SPG11: variants seen among roughly 807,000 people sequenced by gnomAD.
SPG11 encodes the protein spatacsin.
A neutral mutation model predicts 274.0 loss-of-function variants in SPG11; 222 were observed. The observed-to-expected ratio is 0.81, with a 90% CI of 0.73 to 0.91. The LOEUF is 0.91. Among genes scored for constraint, SPG11 ranks in the 40% least tolerant of loss-of-function variants. The pLI, the probability that SPG11 is intolerant of heterozygous loss-of-function variation, is 0.00. For missense variants in SPG11, 3,114 were observed against 2,872.7 expected (o/e 1.08, Z -1.92); for synonymous variants, 1,144 against 1,039.7 (o/e 1.10, Z -1.93).
intron 20 of SPG11, among the ~76,000 whole-genome samples, chr15:44,602,120 G>A (rs942260415): frequency 6.6e-6 from 1 of 152,158 alleles, no homozygotes; most frequent in African/African-American, 2.4e-5. Context: ...TTTACTGGTA[G>A]AGTCTTTAGG....
chr15:44,597,010 G>C lies in SPG11; in HGVS notation c.4002-67C>G, dbSNP rs908189425. Reference sequence around the variant, plus strand: ...AAAAACTCATTAAAATATAGCTTTAGCTTGAACTGGAAAATGAGTAAAAAT... The same window carrying C: ...AAAAACTCATTAAAATATAGCTTTACCTTGAACTGGAAAATGAGTAAAAAT... On this transcript the variant is annotated intron_variant, in intron 23 of 39. Coordinates refer to ENST00000261866, the MANE Select transcript of SPG11 (RefSeq NM_025137.4). The C allele has an allele frequency of 9.5e-6, 14 of 1,479,518 alleles. No individual in the cohort carries two copies. The African/African-American group carries it at 1.4e-4, about 15-fold the overall frequency. The allele number at this position is 1,479,518 out of a possible 1,614,324, so 91.6% of individuals were successfully genotyped here.
intron 4 of SPG11, among the ~76,000 whole-genome samples, chr15:44,656,617 G>A (rs151275179): frequency 6.6e-6 from 1 of 152,284 alleles, no homozygotes; most frequent in East Asian, 1.9e-4. Context: ...TAGTGACTTG[G>A]GGGAGGGACG....
rs552471760 is a variant in SPG11, at chr15:44,608,535, G to C, written c.3362C>G (p.Thr1121Ser). ...VDPQLLKMALTPYPKLKTALF... is the reference protein window; with the variant it reads ...VDPQLLKMALSPYPKLKTALF... ...AGCAGTTTTTAGCTTGGGGTAAGGA[G>C]TTAATGCCATCTTCAATAGCTGGGG... The change falls in exon 19 of 40, where the codon ACT (threonine) becomes AGT (serine). Residue 1121 changes from threonine (T) to serine (S), a missense_variant. Coordinates refer to ENST00000261866, the MANE Select transcript of SPG11 (RefSeq NM_025137.4). 58 of 1,614,102 alleles carry C rather than the reference G, an allele frequency of 3.6e-5. No individual in the cohort carries two copies. In the South Asian group the frequency reaches 6.3e-4, roughly 17 times the overall value.
At chr15:44,626,708 C>G (rs951863820) in intron 10 of SPG11, among the ~76,000 whole-genome samples, 3 of 151,904 alleles carry the variant, frequency 2.0e-5, no homozygotes, top group Admixed American at 6.6e-5. Flanking sequence ...GAAGACACAC[C>G]GATTATAGTA....
intron 17 of SPG11, among the ~76,000 whole-genome samples, chr15:44,612,469 C>T (rs1034734900): frequency 1.3e-5 from 2 of 152,014 alleles, no homozygotes; most frequent in Admixed American, 1.3e-4. Flanking sequence ...GGCTGGAGTG[C>T]AGTGACACAA....
intron 27 of SPG11, 121 bp from the exon 28 acceptor site, chr15:44,589,535 G>A (rs1427183653): frequency 8.4e-7 from 1 of 1,184,418 alleles, no homozygotes; most frequent in Non-Finnish European, 1.2e-6. Flanking sequence ...CCTGTCATGA[G>A]GCACTTACTC....
At chr15:44,595,900 A>G (rs1238446390) in intron 25 of SPG11, among the ~76,000 whole-genome samples, 183 bp downstream of exon 25, 4 of 152,258 alleles carry the variant, frequency 2.6e-5, no homozygotes, top group Non-Finnish European at 4.4e-5. Context: ...AAGGCACAAG[A>G]AAGTACACCA....
chr15:44,633,456 A>C (rs1358624707), intron 8 of SPG11, 49 bp downstream of exon 8: 1 of 1,475,006 alleles, frequency 6.8e-7, no homozygotes, highest in African/African-American at 1.4e-5. Flanking sequence ...GAAAGTTATT[A>C]AGAAGATCAA....
chr15:44,566,017 A>C lies in SPG11; in HGVS notation c.6844-8T>G, dbSNP rs901896301. On this transcript the variant is annotated splice_polypyrimidine_tract_variant and splice_region_variant and intron_variant, in intron 37 of 39. Transcript: ENST00000261866. ...CTGTCGCACACAGGAGTCCTGAGGA[A>C]CAAGGGTGGAGAGGCACAGTAGAGA... is the stretch of plus-strand genomic sequence containing the variant. The C allele has an allele frequency of 6.2e-7, 1 of 1,613,362 alleles. No individual in the cohort carries two copies. The highest frequency in any genetic ancestry group is 1.3e-5 in the African/African-American group (1 of 74,906).
In SPG11 at chr15:44,620,246, G is replaced by A. The variant is rs1274737598; in HGVS notation, c.2778C>T (p.Asn926=). 6.2e-7 allele frequency: 1 copy of A among 1,613,826 alleles called. No individual in the cohort carries two copies. The highest frequency in any genetic ancestry group is 2.2e-5 in the East Asian group (1 of 44,864). The part of the protein sequence containing the change: ...KWPLLTVDVI[N]QNTSCNNYMR... The stretch of plus-strand genomic sequence containing the variant: ...TGTAGTTGTTACAGGAAGTATTCTG[G>A]TTAATAACATCAACAGTCAGAAGGG... Residue 926 remains asparagine, a synonymous_variant, in exon 15 of 40, where the codon AAC becomes AAT. Transcript: ENST00000261866.
chr15:44,567,948 AG>A (rs1405261862), intron 35 of SPG11, among the ~76,000 whole-genome samples: 1 of 152,256 alleles, frequency 6.6e-6, no homozygotes. Flanking sequence ...GAAACAATCC[AG>A]ATGTCCAAAA....
Position 44,658,584 on chromosome 15 carries a change from G to A in SPG11, c.667+495C>T, listed in dbSNP as rs183861386. 4.4e-3 allele frequency among the ~76,000 whole-genome samples: 661 copies of A among 151,662 alleles called. 4 individuals are homozygous for A. The highest frequency in any genetic ancestry group is 0.015 in the African/African-American group (639 of 41,344). The stretch of plus-strand genomic sequence containing the variant: ...AGCAATTCTCCTGCCTCAGCCTCCC[G>A]AGTAGCTGGGATTACAGGCATGCAC... On this transcript the variant is annotated intron_variant, in intron 3 of 39. Coordinates refer to ENST00000261866, the MANE Select transcript of SPG11 (RefSeq NM_025137.4).
chr15:44,607,668 A>G (rs2083356943), intron 19 of SPG11, among the ~76,000 whole-genome samples: 1 of 152,232 alleles, frequency 6.6e-6, no homozygotes, highest in Non-Finnish European at 1.5e-5. Flanking sequence ...GAAATGGGCA[A>G]AGGAAGGTGT....
Position 44,570,614 on chromosome 15 carries a change from A to C in SPG11, c.6388T>G (p.Cys2130Gly). ...ILAHHCFTLT[C>G]HMEGIIRVLQ... ...ACTCGGATGATGCCCTCCATGTGGC[A>C]CGTCAGGGTGAAGCAATGATGGGCC... is the stretch of plus-strand genomic sequence containing the variant. Residue 2130 changes from cysteine (C) to glycine (G), a missense_variant, in exon 34 of 40, where the codon TGC (cysteine) becomes GGC (glycine). By Grantham distance (159) the Cys-to-Gly change is radical (BLOSUM62 -3). Transcript: ENST00000261866. The C allele has an allele frequency of 6.2e-7, 1 of 1,614,106 alleles. No homozygotes were observed. Among genetic ancestry groups the C allele is most frequent in the East Asian group, 2.2e-5 (1 of 44,882 alleles).
chr15:44,587,693 CAAAAA>C (rs34479385), intron 28 of SPG11, among the ~76,000 whole-genome samples: 2 of 34,054 alleles, frequency 5.9e-5, no homozygotes, highest in South Asian at 1.3e-3. Context: ...CAGACTGTCT[CAAAAA>C]AAAAAAAAAA....
At chr15:44,630,372 TGA>T (rs1380236444) in intron 8 of SPG11, among the ~76,000 whole-genome samples, 1 of 152,060 alleles carries the variant, frequency 6.6e-6, no homozygotes, top group African/African-American at 2.4e-5. Flanking sequence ...GCAGTGCAGG[TGA>T]GAGTGGAATG....
At position 44,584,128 on chromosome 15, in the gene SPG11, G is replaced by A; in HGVS notation, c.5552C>T (p.Thr1851Ile). 1 of 1,614,224 alleles carries A rather than the reference G, an allele frequency of 6.2e-7. No individual in the cohort carries two copies. The highest frequency in any genetic ancestry group is 8.5e-7 in the Non-Finnish European group (1 of 1,180,036). ...GCTGTTAAGTTCTAAGTATTTTGAT[G>A]TGTTCAGAGCAGCCAACTTGGAGAA... The part of the protein sequence containing the change: ...FSFSKLAALN[T>I]SKYLELNSLP... The change falls in exon 30 of 40, where the codon ACA becomes ATA. Residue 1851 changes from threonine (T) to isoleucine (I), a missense_variant. Thr to Ile is a moderately conservative substitution (Grantham distance 89). Coordinates refer to ENST00000261866, the MANE Select transcript of SPG11 (RefSeq NM_025137.4).
At chr15:44,643,760 G>T (rs529712506) in intron 7 of SPG11, among the ~76,000 whole-genome samples, 1 of 151,816 alleles carries the variant, frequency 6.6e-6, no homozygotes, top group East Asian at 1.9e-4. Flanking sequence ...AACTGAGGAG[G>T]AACTCCTCCC....
At chr15:44,570,398 A>C (rs1165406043) in intron 34 of SPG11, 127 bp downstream of exon 34, 1 of 1,197,428 alleles carries the variant, frequency 8.4e-7, no homozygotes, top group Non-Finnish European at 1.2e-6. Flanking sequence ...CCAACTCTCA[A>C]GTAGGTAGTG....
Sources: allele counts gnomAD v4.1 joint callset (sites outside exome capture counted in the v4.1 genomes callset), GRCh38; gene constraint gnomAD v4.1.1; transcripts MANE v1.5; gene names NCBI Gene and HGNC (gene_info 2026-07-23, HGNC 2026-07-21).